The following TIMM8A variants were observed in gnomAD, a reference collection of about 807,000 sequenced individuals.
The protein encoded by TIMM8A is mitochondrial import inner membrane translocase subunit Tim8 A.
Under a neutral mutation model 6.8 loss-of-function variants are expected in TIMM8A, and 2 were observed. The ratio of observed to expected loss-of-function variants is 0.30; its 90% CI spans 0.12 to 0.93. TIMM8A has a LOEUF of 0.93. TIMM8A is among the 40% of genes least tolerant of loss of function. The pLI is 0.55. For missense variants in TIMM8A, 34 were observed against 75.2 expected, an observed-to-expected ratio of 0.45 and a Z score of 2.02; for synonymous variants, 26 against 28.5, an observed-to-expected ratio of 0.91 and a Z score of 0.28.
intron 1 of TIMM8A, chrX:101,348,329 A>G (rs1926132696): frequency 8.6e-7 from 1 of 1,164,978 alleles, no homozygotes; most frequent in South Asian, 1.9e-5. Flanking sequence ...TACACCAACA[A>G]AGCCGAGGTC....
Position 101,348,262 on chromosome X carries a change from G to A in TIMM8A, c.132+271C>T. On this transcript the variant is annotated intron_variant, in intron 1 of 1. Transcript: ENST00000372902. ...CCAGCACTAGGCAGCTTCAACCTCG[G>A]GTGCCTGAAAGTGCTGGGTGTCCAG... 3.5e-6 allele frequency: 4 copies of A among 1,153,523 alleles called. No individual in the cohort carries two copies. In the South Asian group the frequency reaches 7.9e-5, roughly 23 times the overall value.
intron 1 of TIMM8A, 180 bp downstream of exon 1, chrX:101,348,353 C>T (rs2147417722): frequency 8.6e-7 from 1 of 1,169,210 alleles, no homozygotes; most frequent in Non-Finnish European, 1.1e-6. Context: ...AATGACAGTC[C>T]CCAGAGAAGC....
chrX:101,348,551 C>T lies in TIMM8A; in HGVS notation c.114G>A (p.Gln38=), dbSNP rs149857257. The change falls in exon 1 of 2, where the codon CAG becomes CAA. Residue 38 remains glutamine, a synonymous_variant. Transcript: ENST00000372902. Reference sequence around the variant, plus strand: ...TCCTCACCCAACAAAGTTCAGTCATCTGGTGCACCAGCTGCTGGAAGCGCT... The same window carrying T: ...TCCTCACCCAACAAAGTTCAGTCATTTGGTGCACCAGCTGCTGGAAGCGCT... ...QKQRFQQLVH[Q]MTELCWEKCM... 1 of 1,211,091 alleles carries T rather than the reference C, an allele frequency of 8.3e-7. No homozygotes were observed. Among genetic ancestry groups the T allele is most frequent in the Non-Finnish European group, 1.1e-6 (1 of 895,431 alleles).
intron 1 of TIMM8A, chrX:101,348,150 A>T (rs781993139): frequency 9.3e-7 from 1 of 1,076,892 alleles, no homozygotes; most frequent in South Asian, 2.5e-5. Context: ...GTCCAGGAAT[A>T]GCAGATTCAC....
chrX:101,346,929 A>G lies in TIMM8A; in HGVS notation c.133-269T>C, dbSNP rs4986640. 0.28 allele frequency: 82,761 copies of G among 295,705 alleles called. 13,221 individuals are homozygous for G. The highest frequency in any genetic ancestry group is 0.75 in the African/African-American group (27,435 of 36,359). The allele number at this position is 295,705 out of a possible 1,213,427, so 24.4% of individuals were successfully genotyped here. On this transcript the variant is annotated intron_variant, in intron 1 of 1. Transcript: ENST00000372902. ...GAAAACTGTGGCACAGAGATACTTTACCCAAAATCATAGGGCCAGAAAATG... is the reference window on the plus strand; with the variant it reads ...GAAAACTGTGGCACAGAGATACTTTGCCCAAAATCATAGGGCCAGAAAATG...
chrX:101,348,425 C>CTGGGGGGGGGGGGGGGG, intron 1 of TIMM8A, 108 bp downstream of exon 1: 1 of 1,176,898 alleles, frequency 8.5e-7, no homozygotes, highest in Non-Finnish European at 1.1e-6. Flanking sequence ...GGGTTGCTGC[C>CTGGGGGGGGGGGGGGGG]AGGTGCCCGC....
rs1029423353 is a variant in TIMM8A at position 101,348,651 on chromosome X, G to A, written c.14C>T (p.Ser5Phe). The A allele has an allele frequency of 2.1e-5, 26 of 1,209,568 alleles. No individual in the cohort carries two copies. The highest frequency in any genetic ancestry group is 2.8e-5 in the Non-Finnish European group (25 of 895,165). MDSS[S>F]SSSAAGLGAV... ...ACCCAAACCCGCCGCGGAGGAAGAG[G>A]AGGAGGAATCCATCCCAGGGCGACC... is the stretch of plus-strand genomic sequence containing the variant. Residue 5 changes from serine (S) to phenylalanine (F), a missense_variant, in exon 1 of 2, where the codon TCC becomes TTC. By Grantham distance (155) the Ser-to-Phe change is radical. Transcript: ENST00000372902.
chrX:101,348,656 G>A lies in TIMM8A; in HGVS notation c.9C>T (p.Ser3=). 8.3e-7 allele frequency: 1 copy of A among 1,211,308 alleles called. No homozygotes were observed. Among genetic ancestry groups the A allele is most frequent in the Non-Finnish European group, 1.1e-6 (1 of 895,395 alleles). Residue 3 remains serine (S), a synonymous_variant, in exon 1 of 2, where the codon TCC becomes TCT. Transcript: ENST00000372902. ...AACCCGCCGCGGAGGAAGAGGAGGA[G>A]GAATCCATCCCAGGGCGACCAAGCT... MD[S]SSSSSAAGLG... is the part of the protein sequence containing the mutation.
Position 101,345,775 on chromosome X carries a change from C to T in TIMM8A, c.*724G>A, listed in dbSNP as rs1446750692. On this transcript the variant is annotated 3_prime_UTR_variant, in exon 2 of 2. Coordinates refer to ENST00000372902, the MANE Select transcript of TIMM8A (RefSeq NM_004085.4). The stretch of plus-strand genomic sequence containing the variant: ...GAAACTGCTGTTAGCTTCTGATTGG[C>T]CTAAATCTTTATAACTTATTTAGGC... 2.7e-6 allele frequency: 2 copies of T among 751,377 alleles called. No individual in the cohort carries two copies. The highest frequency in any genetic ancestry group is 1.8e-4 in the Admixed American group (2 of 11,075). 61.9% of individuals were successfully genotyped at this position (751,377 alleles called of 1,213,427 possible).
intron 1 of TIMM8A, chrX:101,347,379 G>A (rs1926097748): frequency 1.8e-5 from 2 of 109,362 alleles, no homozygotes; most frequent in Middle Eastern, 4.7e-3. Flanking sequence ...TCGTGCCTCA[G>A]CTTCCTGAGT....
chrX:101,348,351 T>C, intron 1 of TIMM8A, 182 bp downstream of exon 1: 1 of 1,168,334 alleles, frequency 8.6e-7, no homozygotes, highest in Non-Finnish European at 1.1e-6. Context: ...GGAATGACAG[T>C]CCCCAGAGAA....
Position 101,346,638 on chromosome X carries a change from C to A in TIMM8A, c.155G>T (p.Gly52Val). 1 of 1,211,783 alleles carries A rather than the reference C, an allele frequency of 8.3e-7. No individual in the cohort carries two copies. Among genetic ancestry groups the A allele is most frequent in the Non-Finnish European group, 1.1e-6 (1 of 895,554 alleles). ...LCWEKCMDKP[G>V]PKLDSRAEAC... Reference sequence around the variant, plus strand: ...CTCAGCCCGACTGTCCAACTTTGGCCCAGGCTTGTCCATGCACTTCTCCTG... The same window carrying A: ...CTCAGCCCGACTGTCCAACTTTGGCACAGGCTTGTCCATGCACTTCTCCTG... The change falls in exon 2 of 2, where the codon GGG becomes GTG. Residue 52 changes from glycine (G) to valine (V), a missense_variant. Physicochemically the swap from Gly to Val is moderately radical, Grantham distance 109 (BLOSUM62 -3). Transcript: ENST00000372902.
At chrX:101,348,138 G>T in intron 1 of TIMM8A, 2 of 1,070,846 alleles carry the variant, frequency 1.9e-6, no homozygotes, top group Non-Finnish European at 2.4e-6. Context: ...AAATCCCGAG[G>T]AGTCCAGGAA....
At position 101,346,052 on chromosome X, in the gene TIMM8A, G is replaced by A. The variant is rs1430726047; in HGVS notation, c.*447C>T. On this transcript the variant is annotated 3_prime_UTR_variant, in exon 2 of 2. Coordinates refer to ENST00000372902, the MANE Select transcript of TIMM8A (RefSeq NM_004085.4). ...CTTACAGATATTTTTCTCCAGCATT[G>A]ACAATCAAACACTAGATAAGGATAC... The A allele has an allele frequency of 2.5e-6, 2 of 801,284 alleles. No homozygotes were observed. The highest frequency in any genetic ancestry group is 3.0e-6 in the Non-Finnish European group (2 of 673,998). 66.0% of individuals were successfully genotyped at this position (801,284 alleles called of 1,213,427 possible).
chrX:101,347,375 C>G (rs1388492274), intron 1 of TIMM8A: 3 of 109,700 alleles, frequency 2.7e-5, no homozygotes, highest in African/African-American at 1.0e-4. Flanking sequence ...ATTCTCGTGC[C>G]TCAGCTTCCT....
Position 101,346,291 on chromosome X carries a change from C to T in TIMM8A, c.*208G>A, listed in dbSNP as rs1555976076. The T allele has an allele frequency of 3.7e-6, 4 of 1,084,489 alleles. No individual in the cohort carries two copies. Among genetic ancestry groups the T allele is most frequent in the African/African-American group, 3.8e-5 (2 of 53,060 alleles). The allele number at this position is 1,084,489 out of a possible 1,213,427, so 89.4% of individuals were successfully genotyped here. On this transcript the variant is annotated 3_prime_UTR_variant, in exon 2 of 2. Coordinates refer to ENST00000372902, the MANE Select transcript of TIMM8A (RefSeq NM_004085.4). ...TTCTTTCGCCTGTCAATTATTTTCACAAGATTAGCATTAAAAAATACAAGC... is the reference window on the plus strand; with the variant it reads ...TTCTTTCGCCTGTCAATTATTTTCATAAGATTAGCATTAAAAAATACAAGC...
Position 101,348,193 on chromosome X carries a change from A to C in TIMM8A, c.132+340T>G, listed in dbSNP as rs961847887. The C allele has an allele frequency of 8.3e-6, 9 of 1,090,501 alleles. No individual in the cohort carries two copies. The African/African-American group carries it at 1.3e-4, about 16-fold the overall frequency. 89.9% of individuals were successfully genotyped at this position (1,090,501 alleles called of 1,213,427 possible). A position where few individuals can be genotyped will look rare whatever the true frequency, so the allele number is the denominator to read the frequency against. On this transcript the variant is annotated intron_variant, in intron 1 of 1. Coordinates refer to ENST00000372902, the MANE Select transcript of TIMM8A (RefSeq NM_004085.4). Reference sequence around the variant, plus strand: ...CTGACTCTCTGGGACTCGGGCTGCCAAAAATAAAATCCCAGTACTGGGGGC... The same window carrying C: ...CTGACTCTCTGGGACTCGGGCTGCCCAAAATAAAATCCCAGTACTGGGGGC...
intron 1 of TIMM8A, chrX:101,348,261 G>T: frequency 8.7e-7 from 1 of 1,152,893 alleles, no homozygotes; most frequent in South Asian, 2.0e-5. Context: ...CTTCAACCTC[G>T]GGTGCCTGAA....
At position 101,346,535 on chromosome X, in the gene TIMM8A, T is replaced by C. The variant is rs1555976109; in HGVS notation, c.258A>G (p.Lys86=). 1.2e-5 allele frequency: 14 copies of C among 1,211,577 alleles called. No homozygotes were observed. The highest frequency in any genetic ancestry group is 1.5e-5 in the Non-Finnish European group (13 of 895,616). Residue 86 remains lysine (K), a synonymous_variant, in exon 2 of 2, where the codon AAA becomes AAG. Coordinates refer to ENST00000372902, the MANE Select transcript of TIMM8A (RefSeq NM_004085.4). The part of the protein sequence containing the change: ...FILNRLEQTQ[K]SKPVFSESLS... ...GGCTTTCTGAGAAAACTGGCTTGGATTTCTGGGTCTGTTCCAGTCGATTCA... is the reference window on the plus strand; with the variant it reads ...GGCTTTCTGAGAAAACTGGCTTGGACTTCTGGGTCTGTTCCAGTCGATTCA...
Sources: allele counts gnomAD v4.1 joint callset, GRCh38; gene constraint gnomAD v4.1.1; transcripts MANE v1.5; gene names NCBI Gene and HGNC (gene_info 2026-07-23, HGNC 2026-07-21).